FAM186B: variants seen among roughly 807,000 people sequenced by gnomAD.
FAM186B encodes the protein protein FAM186B.
FAM186B carries 68 observed loss-of-function variants against 83.4 expected under a neutral mutation model. That is an observed-to-expected ratio of 0.81 (90% CI 0.67 to 1.00). The LOEUF (loss-of-function observed/expected upper bound fraction) is 1.00, where lower values mean the gene tolerates loss of function less well. FAM186B is among the 50% of genes least tolerant of loss of function. The pLI, the probability that FAM186B is intolerant of heterozygous loss-of-function variation, is 0.00. For missense variants in FAM186B, 983 were observed against 1,099.2 expected (o/e 0.89, Z 1.49); for synonymous variants, 389 against 422.0 (o/e 0.92, Z 0.96).
the FAM186B span, among the ~76,000 whole-genome samples, chr12:49,614,085 G>T: frequency 6.6e-6 from 1 of 151,748 alleles, no homozygotes; most frequent in East Asian, 1.9e-4. Context: ...GGGAGGTGGA[G>T]GTTGCAGTGA....
downstream of FAM186B, among the ~76,000 whole-genome samples, chr12:49,584,776 CA>C (rs575200096): frequency 2.0e-5 from 3 of 152,328 alleles, no homozygotes; most frequent in South Asian, 6.2e-4. Context: ...TCCCAAGTCC[CA>C]GGGGCTCTGC....
Position 49,600,758 on chromosome 12 carries a change from C to T in FAM186B, c.882G>A (p.Leu294=), listed in dbSNP as rs77065743. Residue 294 remains leucine, a synonymous_variant, in exon 4 of 7, where the codon CTG becomes CTA. Coordinates refer to ENST00000257894, the MANE Select transcript of FAM186B (RefSeq NM_032130.3). The surrounding 1 kb of genome is among the most constrained non-coding windows in gnomAD (Gnocchi z 4.3). ...EVLESRRDAL[L]KQVEILGGRY... is the part of the protein sequence containing the mutation. ...TTCCCCCTAAGATCTCTACCTGCTT[C>T]AGCAGAGCATCCCTCCTGCTCTCAA... is the stretch of plus-strand genomic sequence containing the variant. The T allele has an allele frequency of 2.4e-3, 3,923 of 1,613,988 alleles. 84 individuals carry two copies. In the African/African-American group the frequency reaches 0.044, roughly 18 times the overall value.
chr12:49,596,587 C>T (rs1313327819), intron 5 of FAM186B, among the ~76,000 whole-genome samples: 2 of 152,096 alleles, frequency 1.3e-5, no homozygotes, highest in African/African-American at 4.8e-5. Context: ...GAGCTATCAC[C>T]TCACACTGCT....
chr12:49,609,273 G>A (rs1940061717), upstream of FAM186B, among the ~76,000 whole-genome samples: 1 of 152,128 alleles, frequency 6.6e-6, no homozygotes, highest in Non-Finnish European at 1.5e-5. Flanking sequence ...TGGTGCAGTG[G>A]GGCCCTCTCA....
At chr12:49,615,206 C>T in the FAM186B span, among the ~76,000 whole-genome samples, 20 of 151,838 alleles carry the variant, frequency 1.3e-4, no homozygotes, top group African/African-American at 4.6e-4. Flanking sequence ...TCAGAAATCA[C>T]CACTAAATAA....
Position 49,588,434 on chromosome 12 carries a change from C to T in FAM186B, c.2534+20G>A. 6.3e-7 allele frequency: 1 copy of T among 1,597,612 alleles called. No individual in the cohort carries two copies. Among genetic ancestry groups the T allele is most frequent in the Non-Finnish European group, 8.5e-7 (1 of 1,169,678 alleles). ...TCTTCACCCATACAGCTGCTGCCCC[C>T]TCAGCTTCCCAGAACCTACCGGGCC... On this transcript the variant is annotated intron_variant, in intron 6 of 6. Coordinates refer to ENST00000257894, the MANE Select transcript of FAM186B (RefSeq NM_032130.3).
downstream of FAM186B, among the ~76,000 whole-genome samples, chr12:49,585,601 C>T (rs575468796): frequency 2.3e-3 from 353 of 152,310 alleles, 1 homozygote; most frequent in Non-Finnish European, 4.0e-3. Context: ...GCCGAGAGGA[C>T]GCCCCAGTGG....
chr12:49,616,691 T>C, the FAM186B span, among the ~76,000 whole-genome samples: 3 of 151,996 alleles, frequency 2.0e-5, no homozygotes, highest in African/African-American at 7.3e-5. Context: ...AGAAACCAGA[T>C]CAGTAGATGC....
At chr12:49,585,448 C>T (rs999505127), downstream of FAM186B, among the ~76,000 whole-genome samples, 3 of 152,164 alleles carry the variant, frequency 2.0e-5, no homozygotes, top group Admixed American at 2.0e-4. Context: ...AGCTCTCCCA[C>T]CTGTCAGACA....
At chr12:49,604,204 G>A (rs182755659) in intron 2 of FAM186B, 109 bp downstream of exon 2, 11 of 811,690 alleles carry the variant, frequency 1.4e-5, no homozygotes, top group African/African-American at 3.4e-5. Flanking sequence ...GCTGTGACAC[G>A]AGTGGTGGAA....
the FAM186B span, among the ~76,000 whole-genome samples, chr12:49,619,176 T>C: frequency 6.6e-6 from 1 of 152,100 alleles, no homozygotes; most frequent in African/African-American, 2.4e-5. Context: ...TCCAAAATAA[T>C]TTACTGCTCC....
chr12:49,583,319 C>G (rs1939375022), downstream of FAM186B: 31 of 291,220 alleles, frequency 1.1e-4, 1 homozygote, highest in South Asian at 9.6e-4. Flanking sequence ...CAGCTAAGTA[C>G]ACATTAAATA....
chr12:49,616,104 A>G, the FAM186B span, among the ~76,000 whole-genome samples: 1 of 151,274 alleles, frequency 6.6e-6, no homozygotes, highest in Non-Finnish European at 1.5e-5. Flanking sequence ...ATCTCGGCTC[A>G]CTGCAACCTC....
rs759220652 is a variant in FAM186B at position 49,599,678 on chromosome 12, A to G, written c.1962T>C (p.Pro654=). The stretch of plus-strand genomic sequence containing the variant: ...GGTACACCTTCTTCTTAATATTTGC[A>G]GGGGATATCTGCAAAGAGGGCCAGG... ...RLTWPSLQIS[P]ANIKKKVYHM... is the part of the protein sequence containing the mutation. The change falls in exon 4 of 7, where the codon CCT becomes CCC. Residue 654 remains proline, a synonymous_variant. Transcript: ENST00000257894. The G allele has an allele frequency of 6.2e-7, 1 of 1,606,748 alleles. No homozygotes were observed. Among genetic ancestry groups the G allele is most frequent in the Admixed American group, 1.7e-5 (1 of 58,894 alleles).
At position 49,588,763 on chromosome 12, in the gene FAM186B, A is replaced by G. The variant is rs373210368; in HGVS notation, c.2365-140T>C. The G allele has an allele frequency of 1.8e-3, 1,349 of 730,512 alleles. 12 individuals are homozygous for G. Among genetic ancestry groups the G allele is most frequent in the South Asian group, 0.011 (440 of 39,088 alleles). 45.3% of individuals were successfully genotyped at this position (730,512 alleles called of 1,614,324 possible). ...GGGTAAGGCCCAGGGAATCCCTTCA[A>G]TTAGAAACCCTGGGACCACAAGGTA... On this transcript the variant is annotated intron_variant, in intron 5 of 6. Transcript: ENST00000257894.
chr12:49,586,318 A>C (rs980204451), downstream of FAM186B, among the ~76,000 whole-genome samples: 1 of 152,118 alleles, frequency 6.6e-6, no homozygotes, highest in South Asian at 2.1e-4. Context: ...AGAGGCGGGG[A>C]AAGAGGGAAG....
At chr12:49,596,163 TAC>T (rs1383343431) in intron 5 of FAM186B, among the ~76,000 whole-genome samples, 6 of 152,140 alleles carry the variant, frequency 3.9e-5, no homozygotes, top group African/African-American at 1.2e-4. Flanking sequence ...AAGTCACAAC[TAC>T]ACAGAGATTT....
the FAM186B span, among the ~76,000 whole-genome samples, chr12:49,616,964 TGTTAG>T: frequency 2.0e-5 from 3 of 152,052 alleles, no homozygotes; most frequent in African/African-American, 7.2e-5. Flanking sequence ...TACTGGAGGG[TGTTAG>T]GAAATAACTC....
intron 5 of FAM186B, chr12:49,595,673 A>G: frequency 4.9e-6 from 2 of 408,844 alleles, no homozygotes; most frequent in Non-Finnish European, 9.9e-6. Flanking sequence ...TGAAGGCTCC[A>G]CTAGTTCTTA....
Sources: gnomAD v4.1 joint callset for allele counts (sites outside exome capture counted in the v4.1 genomes callset) on GRCh38, gnomAD v4.1.1 for gene constraint, Gnocchi (gnomAD v3.1) non-coding constraint, MANE v1.5 for transcripts, NCBI Gene and HGNC (gene_info 2026-07-23, HGNC 2026-07-21) for gene names.